The following BIRC2 variants were observed in gnomAD, a reference collection of about 807,000 sequenced individuals.
The protein encoded by BIRC2 is baculoviral IAP repeat containing 2.
In BIRC2, 18 loss-of-function variants were observed where a neutral mutation model predicts 60.9. That is an observed-to-expected ratio of 0.30 (90% CI 0.20 to 0.44). The LOEUF is 0.44. BIRC2 is among the 20% of genes least tolerant of loss of function. The pLI, the probability that BIRC2 is intolerant of heterozygous loss-of-function variation, is 1.00. For synonymous variants in BIRC2, 282 were observed against 247.7 expected (o/e 1.14, Z -1.30); for missense variants, 701 against 728.5 (o/e 0.96, Z 0.43).
At chr11:102,362,643 G>A (rs1335884990) in intron 3 of BIRC2, 7 of 345,906 alleles carry the variant, frequency 2.0e-5, no homozygotes, top group Admixed American at 1.7e-4. Flanking sequence ...CCCTTTGTAG[G>A]TGCAGACGCT....
chr11:102,348,769 G>A lies in BIRC2; in HGVS notation c.-1086G>A, dbSNP rs1384085323. ...TGAAGAGTTTTCAGAAAGAAGGCTAGTAGAGTTGATTACTGATACTTTATG... is the reference window on the plus strand; with the variant it reads ...TGAAGAGTTTTCAGAAAGAAGGCTAATAGAGTTGATTACTGATACTTTATG... On this transcript the variant is annotated 5_prime_UTR_variant, in exon 2 of 9. It removes the in-frame stop codon of an upstream open reading frame in the 5' UTR. Coordinates refer to ENST00000227758, the MANE Select transcript of BIRC2 (RefSeq NM_001166.5). The A allele has an allele frequency of 3.3e-5, 12 of 367,518 alleles. No homozygotes were observed. Among genetic ancestry groups the A allele is most frequent in the Non-Finnish European group, 3.1e-5 (6 of 190,794 alleles). 22.8% of individuals were successfully genotyped at this position (367,518 alleles called of 1,614,324 possible). A position where few individuals can be genotyped will look rare whatever the true frequency, so the allele number is the denominator to read the frequency against.
Position 102,378,438 on chromosome 11 carries a change from C to A in BIRC2, c.*255C>A. On this transcript the variant is annotated 3_prime_UTR_variant, in exon 9 of 9. Coordinates refer to ENST00000227758, the MANE Select transcript of BIRC2 (RefSeq NM_001166.5). ...GTATGTGTACCTAAGGGAGTAGTGT[C>A]ACTGCTTGTTATGCATCATTTCAGG... 1 of 272,900 alleles carries A rather than the reference C, an allele frequency of 3.7e-6. No homozygotes were observed. The allele number at this position is 272,900 out of a possible 1,614,324, so 16.9% of individuals were successfully genotyped here.
intron 1 of BIRC2, chr11:102,347,779 A>C (rs1417217292): frequency 6.6e-6 from 1 of 152,196 alleles, no homozygotes; most frequent in Non-Finnish European, 1.5e-5. Flanking sequence ...CATAGTTGCC[A>C]CTGCGCTCTG....
At position 102,349,691 on chromosome 11, in the gene BIRC2, T is replaced by G. The variant is rs564141945; in HGVS notation, c.-164T>G. On this transcript the variant is annotated 5_prime_UTR_variant, in exon 2 of 9. Transcript: ENST00000227758. ...GTAGTATCTTGGTAATTCAGAGAGA[T>G]ACTCATCCTACCTGAATATAAACTG... The G allele has an allele frequency of 1.8e-5, 13 of 707,440 alleles. No homozygotes were observed. Among genetic ancestry groups the G allele is most frequent in the African/African-American group, 5.4e-5 (3 of 55,866 alleles). 43.8% of individuals were successfully genotyped at this position (707,440 alleles called of 1,614,324 possible).
At chr11:102,351,916 A>G (rs1951367117) in intron 3 of BIRC2, among the ~76,000 whole-genome samples, 1 of 152,156 alleles carries the variant, frequency 6.6e-6, no homozygotes, top group Admixed American at 6.5e-5. Context: ...CATAACATTT[A>G]CCATCTTAAC....
In BIRC2 at chr11:102,349,906, A is replaced by G. The variant is rs771862823; in HGVS notation, c.52A>G (p.Ile18Val). Residue 18 changes from isoleucine to valine, a missense_variant, in exon 2 of 9, where the codon ATT (isoleucine) becomes GTT (valine). Coordinates refer to ENST00000227758, the MANE Select transcript of BIRC2 (RefSeq NM_001166.5). ...TTTCCCAGGTCCCTCGTATCAAAAC[A>G]TTAAGAGTATAATGGAAGATAGCAC... Reference protein sequence around the residue: ...RLFPGPSYQNIKSIMEDSTIL... With the variant: ...RLFPGPSYQNVKSIMEDSTIL... 4.3e-6 allele frequency: 7 copies of G among 1,613,852 alleles called. No homozygotes were observed. The African/African-American group carries it at 5.3e-5, about 12-fold the overall frequency.
At position 102,347,250 on chromosome 11, in the gene BIRC2, C is replaced by T. The variant is rs995490751; in HGVS notation, c.-1384C>T. 1.1e-4 allele frequency: 17 copies of T among 152,418 alleles called. No individual in the cohort carries two copies. Among genetic ancestry groups the T allele is most frequent in the African/African-American group, 3.1e-4 (13 of 41,594 alleles). The allele number at this position is 152,418 out of a possible 1,614,324, so 9.4% of individuals were successfully genotyped here. A position where few individuals can be genotyped will look rare whatever the true frequency, so the allele number is the denominator to read the frequency against. ...GAGTGAGCCCGGATGGGGCGGCGGGCTTCGGGAGCGCCCGGGCTGATCCGA... is the reference window on the plus strand; with the variant it reads ...GAGTGAGCCCGGATGGGGCGGCGGGTTTCGGGAGCGCCCGGGCTGATCCGA... On this transcript the variant is annotated 5_prime_UTR_variant, in exon 1 of 9. Transcript: ENST00000227758.
chr11:102,374,923 C>T (rs537320652), intron 6 of BIRC2, among the ~76,000 whole-genome samples: 8 of 152,286 alleles, frequency 5.3e-5, no homozygotes, highest in East Asian at 1.9e-4. Flanking sequence ...GGGAGTGACC[C>T]GATTTTCCAG....
intron 3 of BIRC2, among the ~76,000 whole-genome samples, chr11:102,353,018 A>T (rs11225220): frequency 0.016 from 2,370 of 152,262 alleles, 61 homozygotes; most frequent in African/African-American, 0.053. Context: ...ACTTTTTTAC[A>T]CTGAAAAATG....
At chr11:102,369,235 A>G (rs1951592676) in intron 6 of BIRC2, among the ~76,000 whole-genome samples, 4 of 150,188 alleles carry the variant, frequency 2.7e-5, no homozygotes, top group African/African-American at 9.8e-5. Context: ...ACATATGTAT[A>G]CATGTGCCAT....
intron 3 of BIRC2, among the ~76,000 whole-genome samples, chr11:102,359,970 C>T: frequency 6.8e-6 from 1 of 147,858 alleles, no homozygotes. Flanking sequence ...TTTTCATTTT[C>T]TTGGGTTTTT....
At position 102,350,092 on chromosome 11, in the gene BIRC2, A is replaced by G; in HGVS notation, c.238A>G (p.Lys80Glu). Residue 80 changes from lysine (K) to glutamate (E), a missense_variant, in exon 2 of 9, where the codon AAG (lysine) becomes GAG (glutamate). By Grantham distance (56) the Lys-to-Glu change is moderately conservative (BLOSUM62 1). This residue lies in a region of BIRC2 where 375 missense variants were observed against 365.9 expected (regional missense o/e 1.02). Coordinates refer to ENST00000227758, the MANE Select transcript of BIRC2 (RefSeq NM_001166.5). The part of the protein sequence containing the change: ...AGFYYTGVND[K>E]VKCFCCGLML... ...TTTTTATTATACTGGTGTGAATGAC[A>G]AGGTCAAATGCTTCTGTTGTGGCCT... is the stretch of plus-strand genomic sequence containing the variant. 5 of 1,614,212 alleles carry G rather than the reference A, an allele frequency of 3.1e-6. No individual in the cohort carries two copies. The highest frequency in any genetic ancestry group is 4.2e-6 in the Non-Finnish European group (5 of 1,180,030).
At chr11:102,371,887 T>C (rs1951636147) in intron 6 of BIRC2, among the ~76,000 whole-genome samples, 2 of 152,312 alleles carry the variant, frequency 1.3e-5, no homozygotes, top group South Asian at 4.1e-4. Context: ...CTTCCTGGTT[T>C]AGTCTTGGGA....
intron 3 of BIRC2, among the ~76,000 whole-genome samples, chr11:102,352,070 C>G (rs2135804343): frequency 6.6e-6 from 1 of 151,904 alleles, no homozygotes; most frequent in South Asian, 2.1e-4. Flanking sequence ...TATCCCATTC[C>G]CCAACATCCT....
At chr11:102,368,644 A>G in intron 6 of BIRC2, 96 bp downstream of exon 6, 2 of 1,491,256 alleles carry the variant, frequency 1.3e-6, no homozygotes, top group Non-Finnish European at 1.8e-6. Flanking sequence ...CACATCCACT[A>G]ACTGCTGGTA....
chr11:102,375,624 C>G (rs1951702808), intron 6 of BIRC2, among the ~76,000 whole-genome samples: 1 of 151,858 alleles, frequency 6.6e-6, no homozygotes, highest in South Asian at 2.1e-4. Context: ...ACTAAAAATA[C>G]AAAAAATTAG....
intron 2 of BIRC2, 31 bp downstream of exon 2, chr11:102,350,780 T>G (rs374520906): frequency 6.2e-7 from 1 of 1,601,472 alleles, no homozygotes; most frequent in Non-Finnish European, 8.5e-7. Context: ...CATTTTATCA[T>G]TTTATTTTAA....
intron 4 of BIRC2, 54 bp downstream of exon 4, chr11:102,363,028 A>G: frequency 7.6e-7 from 1 of 1,310,262 alleles, no homozygotes; most frequent in Non-Finnish European, 1.1e-6. Flanking sequence ...AATAACAAAA[A>G]TATTATTAGG....
At chr11:102,359,278 T>A (rs1049327085) in intron 3 of BIRC2, among the ~76,000 whole-genome samples, 2 of 152,248 alleles carry the variant, frequency 1.3e-5, no homozygotes, top group African/African-American at 2.4e-5. Context: ...ATGTCATTAT[T>A]TGCATTTTAT....
Sources: gnomAD v4.1 joint callset for allele counts (sites outside exome capture counted in the v4.1 genomes callset) on GRCh38, gnomAD v4.1.1 for gene constraint, gnomAD v4.1.1 regional missense constraint, MANE v1.5 for transcripts, NCBI Gene and HGNC (gene_info 2026-07-23, HGNC 2026-07-21) for gene names.